Variants in MPPED2 observed in about 807,000 individuals in gnomAD.
MPPED2 encodes the protein metallophosphoesterase MPPED2.
A neutral mutation model predicts 33.0 loss-of-function variants in MPPED2; 5 were observed. The observed-to-expected ratio is 0.15, with a 90% confidence interval of 0.08 to 0.32. The LOEUF (loss-of-function observed/expected upper bound fraction) is 0.32. Ranked by LOEUF, MPPED2 falls within the 10% of genes least tolerant of loss-of-function variation. The pLI, the probability that MPPED2 is intolerant of heterozygous loss-of-function variation, is 1.00. For missense variants in MPPED2, 275 were observed against 372.1 expected (o/e 0.74, Z 2.15); for synonymous variants, 136 against 141.9 (o/e 0.96, Z 0.29).
At position 30,446,027 on chromosome 11, in the gene MPPED2, T is replaced by C. The variant is rs117432061; in HGVS notation, c.537-28394A>G. The stretch of plus-strand genomic sequence containing the variant: ...CAGTGGCATGTGTACATGTGTACGT[T>C]CTTGAGGGTCCTGTTTCTAATACCA... On this transcript the variant is annotated intron_variant, in intron 4 of 6. Transcript: ENST00000358117. Among the ~76,000 whole-genome samples, 139 of 152,356 alleles carry C rather than the reference T, an allele frequency of 9.1e-4. 4 individuals are homozygous for C. In the East Asian group the frequency reaches 0.023, roughly 25 times the overall value.
chr11:30,437,537 C>T (rs1314172490), intron 4 of MPPED2, among the ~76,000 whole-genome samples: 1 of 152,162 alleles, frequency 6.6e-6, no homozygotes, highest in Non-Finnish European at 1.5e-5. Flanking sequence ...CCTGGCTTGT[C>T]ACCTAGGCAT....
intron 4 of MPPED2, among the ~76,000 whole-genome samples, chr11:30,469,327 T>C (rs1379442357): frequency 6.6e-6 from 1 of 152,168 alleles, no homozygotes. Context: ...ACAACAATAA[T>C]ACAAAATAAT....
At chr11:30,398,547 A>T (rs1214635811) in intron 6 of MPPED2, among the ~76,000 whole-genome samples, 1 of 152,176 alleles carries the variant, frequency 6.6e-6, no homozygotes, top group Non-Finnish European at 1.5e-5. Flanking sequence ...ACAACTACTG[A>T]GATTACATGA....
chr11:30,401,949 G>A (rs972986980), intron 6 of MPPED2, among the ~76,000 whole-genome samples: 1 of 151,410 alleles, frequency 6.6e-6, no homozygotes, highest in East Asian at 1.9e-4. Flanking sequence ...CGCCTGCCTC[G>A]GCCTCCCAAA....
chr11:30,402,767 T>C (rs189458598), intron 6 of MPPED2, among the ~76,000 whole-genome samples: 2 of 152,308 alleles, frequency 1.3e-5, no homozygotes, highest in East Asian at 3.9e-4. Context: ...GCTGTACTCA[T>C]GGATATCTCA....
At chr11:30,472,002 C>T (rs1322486414) in intron 4 of MPPED2, among the ~76,000 whole-genome samples, 1 of 141,604 alleles carries the variant, frequency 7.1e-6, no homozygotes, top group Non-Finnish European at 1.6e-5. Flanking sequence ...TGATTCTTGT[C>T]AATCCCAGCT....
chr11:30,439,271 G>C (rs967735415), intron 4 of MPPED2, among the ~76,000 whole-genome samples: 1 of 152,114 alleles, frequency 6.6e-6, no homozygotes, highest in Non-Finnish European at 1.5e-5. Flanking sequence ...ATGAGATCTG[G>C]GAAGTGTCTT....
chr11:30,417,697 T>A, intron 4 of MPPED2, 64 bp from the exon 5 acceptor site: 1 of 922,524 alleles, frequency 1.1e-6, no homozygotes, highest in Non-Finnish European at 1.8e-6. Context: ...CTGCAATATT[T>A]CTCTCTCGCA....
At chr11:30,406,418 C>T (rs1486189739), downstream of MPPED2, among the ~76,000 whole-genome samples, 1 of 152,192 alleles carries the variant, frequency 6.6e-6, no homozygotes, top group Non-Finnish European at 1.5e-5. Flanking sequence ...CTCTCTGAAC[C>T]TCTCCTGATC....
chr11:30,479,731 G>A (rs912159033), intron 4 of MPPED2, among the ~76,000 whole-genome samples: 7 of 152,124 alleles, frequency 4.6e-5, no homozygotes, highest in African/African-American at 1.7e-4. Context: ...GTCAAAGAGA[G>A]AAATACCTTA....
chr11:30,473,194 T>C (rs1349601930), intron 4 of MPPED2, among the ~76,000 whole-genome samples: 1 of 152,208 alleles, frequency 6.6e-6, no homozygotes, highest in African/African-American at 2.4e-5. Flanking sequence ...CTCTCTGTGG[T>C]GAACACTTTA....
chr11:30,472,872 G>C (rs1434022580), intron 4 of MPPED2, among the ~76,000 whole-genome samples: 3 of 152,068 alleles, frequency 2.0e-5, no homozygotes, highest in Non-Finnish European at 2.9e-5. Flanking sequence ...ACTTAAAATG[G>C]TTAAAATGGT....
chr11:30,457,003 G>A (rs1291782632), intron 4 of MPPED2, among the ~76,000 whole-genome samples: 1 of 152,282 alleles, frequency 6.6e-6, no homozygotes, highest in South Asian at 2.1e-4. Context: ...TCATCAAGAG[G>A]AGTAAGCTAT....
chr11:30,541,136 T>A (rs1955087319), intron 2 of MPPED2, among the ~76,000 whole-genome samples: 1 of 152,230 alleles, frequency 6.6e-6, no homozygotes, highest in Non-Finnish European at 1.5e-5. Flanking sequence ...CATTTTCCAA[T>A]GAACTTTCCA....
intron 4 of MPPED2, among the ~76,000 whole-genome samples, chr11:30,494,860 A>G (rs1230554855): frequency 6.6e-6 from 1 of 152,188 alleles, no homozygotes; most frequent in Non-Finnish European, 1.5e-5. Flanking sequence ...CTTAAACCAT[A>G]AAACATAACA....
intron 4 of MPPED2, among the ~76,000 whole-genome samples, chr11:30,446,244 A>G (rs1419203414): frequency 6.6e-6 from 1 of 152,214 alleles, no homozygotes; most frequent in Non-Finnish European, 1.5e-5. Context: ...CTCTCTTTCT[A>G]GGGTTTCACC....
chr11:30,507,203 T>C (rs1483459493), intron 3 of MPPED2, among the ~76,000 whole-genome samples: 1 of 152,196 alleles, frequency 6.6e-6, no homozygotes, highest in Non-Finnish European at 1.5e-5. Flanking sequence ...TAAGAGCAAA[T>C]GCTAGAAAAT....
At position 30,445,181 on chromosome 11, in the gene MPPED2, T is replaced by C. The variant is rs1405365127; in HGVS notation, c.537-27548A>G. ...AAAATCCAGGCTGGCTTCAGGACAATGTCCACTAGGAGACTCCCCGGGCTG... is the reference window on the plus strand; with the variant it reads ...AAAATCCAGGCTGGCTTCAGGACAACGTCCACTAGGAGACTCCCCGGGCTG... On this transcript the variant is annotated intron_variant, in intron 4 of 6. Coordinates refer to ENST00000358117, the MANE Select transcript of MPPED2 (RefSeq NM_001584.3). 5.7e-5 allele frequency among the ~76,000 whole-genome samples: 7 copies of C among 121,882 alleles called. No individual in the cohort carries two copies. The East Asian group carries it at 1.4e-3, about 24-fold the overall frequency. 80.0% of individuals were successfully genotyped at this position (121,882 alleles called of 152,430 possible). A position where few individuals can be genotyped will look rare whatever the true frequency, so the allele number is the denominator to read the frequency against.
chr11:30,447,113 A>T (rs1193915988), intron 4 of MPPED2, among the ~76,000 whole-genome samples: 1 of 152,240 alleles, frequency 6.6e-6, no homozygotes, highest in Non-Finnish European at 1.5e-5. Flanking sequence ...TCATTCAGGT[A>T]GACAGGCGGC....
Sources: gnomAD v4.1 joint callset for allele counts (sites outside exome capture counted in the v4.1 genomes callset) on GRCh38, gnomAD v4.1.1 for gene constraint, MANE v1.5 for transcripts, NCBI Gene and HGNC (gene_info 2026-07-23, HGNC 2026-07-21) for gene names.